Variants in PCDH7 observed in about 807,000 individuals in gnomAD.
PCDH7 encodes protocadherin-7.
Under a neutral mutation model 58.9 loss-of-function variants are expected in PCDH7, and 17 were observed. The observed-to-expected ratio is 0.29, with a 90% CI of 0.20 to 0.43. The LOEUF is 0.43. Among genes scored for constraint, PCDH7 ranks in the 20% least tolerant of loss-of-function variants. PCDH7 has a pLI of 1.00. For synonymous variants in PCDH7, 664 were observed against 616.4 expected, an observed-to-expected ratio of 1.08 and a Z score of -1.14; for missense variants, 1,274 against 1,441.0, an observed-to-expected ratio of 0.88 and a Z score of 1.88.
chr4:31,085,619 C>G (rs1397435691), intron 3 of PCDH7, among the ~76,000 whole-genome samples: 2 of 152,134 alleles, frequency 1.3e-5, no homozygotes, highest in African/African-American at 4.8e-5. Context: ...GCATAATTTT[C>G]CAAAGGCAGT....
chr4:30,989,297 T>A (rs1419535888), intron 3 of PCDH7, among the ~76,000 whole-genome samples: 1 of 151,496 alleles, frequency 6.6e-6, no homozygotes, highest in Non-Finnish European at 1.5e-5. Context: ...AAAAACAATT[T>A]TTTCTCTTTC....
At chr4:30,752,247 C>T (rs1718628225) in intron 1 of PCDH7, among the ~76,000 whole-genome samples, 1 of 152,150 alleles carries the variant, frequency 6.6e-6, no homozygotes, top group African/African-American at 2.4e-5. Flanking sequence ...ATTCTCCTGC[C>T]TCAGCCTCCG....
chr4:30,779,358 T>C (rs1722495490), intron 1 of PCDH7, among the ~76,000 whole-genome samples: 1 of 152,108 alleles, frequency 6.6e-6, no homozygotes, highest in Non-Finnish European at 1.5e-5. Context: ...ATTTCTACAT[T>C]AGATAGTAAT....
intron 1 of PCDH7, among the ~76,000 whole-genome samples, chr4:30,862,032 C>T (rs1314920935): frequency 6.6e-6 from 1 of 152,102 alleles, no homozygotes; most frequent in Non-Finnish European, 1.5e-5. Context: ...AAAGGGACTA[C>T]AGAAATGATA....
At chr4:30,991,996 C>G (rs1751501515) in intron 3 of PCDH7, among the ~76,000 whole-genome samples, 2 of 152,106 alleles carry the variant, frequency 1.3e-5, no homozygotes, top group Admixed American at 1.3e-4. Context: ...TCTTTGAAAT[C>G]AAACAGATGA....
chr4:30,731,267 G>A, exon 2 of PCDH7: 1 of 468,612 alleles, frequency 2.1e-6, no homozygotes, highest in Non-Finnish European at 2.8e-6. Flanking sequence ...TTGTTAGAGT[G>A]AAGGATAATA....
Position 30,723,906 on chromosome 4 carries a change from C to A in PCDH7, c.2484C>A (p.Ser828=), listed in dbSNP as rs767943957. ...AAGTGAATGACAGTGGGCAGCCTTC[C>A]CAGTCCACCACGACTCTGGTGCACG... Residue 828 remains serine (S), a synonymous_variant, in exon 1 of 2, where the codon TCC becomes TCA. Coordinates refer to ENST00000361762, the Ensembl canonical transcript of PCDH7. This position sits in a 1 kb window ranked among gnomAD's most constrained non-coding sequence, Gnocchi z 4.6. 6.2e-7 allele frequency: 1 copy of A among 1,613,778 alleles called. No individual in the cohort carries two copies. The highest frequency in any genetic ancestry group is 8.5e-7 in the Non-Finnish European group (1 of 1,180,014).
At chr4:30,759,709 A>G (rs546566328) in intron 1 of PCDH7, among the ~76,000 whole-genome samples, 5 of 152,324 alleles carry the variant, frequency 3.3e-5, no homozygotes, top group Admixed American at 2.0e-4. Flanking sequence ...ACATACATAT[A>G]TAACAAAATC....
At chr4:31,099,140 AC>A (rs1714562837) in intron 3 of PCDH7, among the ~76,000 whole-genome samples, 1 of 152,200 alleles carries the variant, frequency 6.6e-6, no homozygotes. Context: ...GAGGGAGAGA[AC>A]ATTTCATTTG....
intron 1 of PCDH7, chr4:30,730,652 G>A (rs3756025): frequency 7.7e-6 from 6 of 779,496 alleles, no homozygotes; most frequent in African/African-American, 3.6e-5. Flanking sequence ...TCTTAGCTCC[G>A]AAATCTCTAC....
At chr4:31,031,847 A>T (rs932367143) in intron 3 of PCDH7, among the ~76,000 whole-genome samples, 8 of 152,096 alleles carry the variant, frequency 5.3e-5, no homozygotes, top group Admixed American at 5.2e-4. Flanking sequence ...ACTTCCTTAG[A>T]TAAGTGCTGG....
At chr4:31,114,647 A>G (rs1463621329) in intron 3 of PCDH7, among the ~76,000 whole-genome samples, 1 of 151,368 alleles carries the variant, frequency 6.6e-6, no homozygotes, top group African/African-American at 2.4e-5. Context: ...ACACACACAC[A>G]CACACACACA....
chr4:30,963,006 C>A (rs895949702), intron 3 of PCDH7, among the ~76,000 whole-genome samples: 1 of 152,042 alleles, frequency 6.6e-6, no homozygotes, highest in African/African-American at 2.4e-5. Flanking sequence ...ATTTGCCAAT[C>A]AGAGGAAGTG....
chr4:30,816,789 A>C (rs1213727593), intron 1 of PCDH7, among the ~76,000 whole-genome samples: 1 of 152,152 alleles, frequency 6.6e-6, no homozygotes, highest in African/African-American at 2.4e-5. Flanking sequence ...TAATAATAGT[A>C]ATAATAATAA....
intron 1 of PCDH7, among the ~76,000 whole-genome samples, chr4:30,901,237 TA>T (rs1740176909): frequency 6.6e-6 from 1 of 152,196 alleles, no homozygotes; most frequent in South Asian, 2.1e-4. Flanking sequence ...TGAGGTATTT[TA>T]TAATAAGTCA....
chr4:31,119,486 A>C (rs1043122940), intron 3 of PCDH7, among the ~76,000 whole-genome samples: 4 of 152,060 alleles, frequency 2.6e-5, no homozygotes, highest in Non-Finnish European at 4.4e-5. Flanking sequence ...AATTTGACTC[A>C]GGGGCATAAG....
intron 1 of PCDH7, among the ~76,000 whole-genome samples, chr4:30,914,708 C>T (rs1379837615): frequency 2.6e-5 from 4 of 152,074 alleles, no homozygotes; most frequent in African/African-American, 9.7e-5. Context: ...GGTATACTAC[C>T]GTTTATAGTA....
chr4:30,878,393 A>G (rs563668423), intron 1 of PCDH7, among the ~76,000 whole-genome samples: 15 of 152,064 alleles, frequency 9.9e-5, no homozygotes, highest in Non-Finnish European at 2.2e-4. Context: ...GAAGGTTAGG[A>G]AGTGTCTTTC....
chr4:30,855,043 G>A (rs1733280874), intron 1 of PCDH7, among the ~76,000 whole-genome samples: 1 of 152,066 alleles, frequency 6.6e-6, no homozygotes, highest in Non-Finnish European at 1.5e-5. Flanking sequence ...AGAAAGTGGA[G>A]GAAAGCATTT....
Sources: gnomAD v4.1 joint callset for allele counts (sites outside exome capture counted in the v4.1 genomes callset) on GRCh38, gnomAD v4.1.1 for gene constraint, Gnocchi (gnomAD v3.1) non-coding constraint, MANE v1.5 for transcripts, NCBI Gene and HGNC (gene_info 2026-07-23, HGNC 2026-07-21) for gene names.